Variants in RFX3 observed in about 807,000 individuals in gnomAD.
The protein encoded by RFX3 is regulatory factor X3, also known as transcription factor RFX3.
RFX3 carries 14 observed loss-of-function variants against 98.6 expected under a neutral mutation model. The ratio of observed to expected loss-of-function variants is 0.14; its 90% CI spans 0.09 to 0.22. The LOEUF (loss-of-function observed/expected upper bound fraction) is 0.22, where lower values mean the gene tolerates loss of function less well. Ranked by LOEUF, RFX3 falls within the 10% of genes least tolerant of loss-of-function variation. The pLI is 1.00. For synonymous variants in RFX3, 383 were observed against 328.4 expected, an observed-to-expected ratio of 1.17 and a Z score of -1.80; for missense variants, 639 against 926.9, an observed-to-expected ratio of 0.69 and a Z score of 4.03.
intron 3 of RFX3, among the ~76,000 whole-genome samples, chr9:3,333,287 G>A (rs1294690990): frequency 1.3e-5 from 2 of 151,958 alleles, no homozygotes; most frequent in East Asian, 3.9e-4. Flanking sequence ...AATTATACTT[G>A]TAATTTACAA....
Position 3,369,828 on chromosome 9 carries a change from T to TTTTG in RFX3, c.118-23068_118-23065dup, listed in dbSNP as rs892214282. Among the ~76,000 whole-genome samples, 13 of 152,074 alleles carry TTTTG rather than the reference T, an allele frequency of 8.5e-5. No homozygotes were observed. In the South Asian group the frequency reaches 1.0e-3, roughly 12 times the overall value. The stretch of plus-strand genomic sequence containing the variant: ...CAGAGCAGTTGTTTTTTTGTTTTTG[T>TTTTG]TTTGTTTGTTTGTTTGTTTGACACG... On this transcript the variant is annotated intron_variant, in intron 2 of 16. Coordinates refer to ENST00000617270, the MANE Select transcript of RFX3 (RefSeq NM_001282116.2).
intron 1 of RFX3, among the ~76,000 whole-genome samples, chr9:3,461,885 T>A (rs1042733945): frequency 6.6e-6 from 1 of 152,042 alleles, no homozygotes; most frequent in South Asian, 2.1e-4. Flanking sequence ...TGTTTTTACA[T>A]ACAAATAATC....
chr9:3,275,677 G>T, intron 8 of RFX3, 65 bp from the exon 9 acceptor site: 2 of 948,138 alleles, frequency 2.1e-6, no homozygotes, highest in Non-Finnish European at 3.2e-6. Flanking sequence ...GATTAATGAG[G>T]GAAAATTTAA....
chr9:3,324,850 G>T (rs1831730875), intron 4 of RFX3, among the ~76,000 whole-genome samples: 1 of 152,016 alleles, frequency 6.6e-6, no homozygotes, highest in African/African-American at 2.4e-5. Flanking sequence ...TGTAATCCCA[G>T]CTACAAGGAA....
At chr9:3,462,947 C>T (rs1430811867) in intron 1 of RFX3, among the ~76,000 whole-genome samples, 5 of 152,002 alleles carry the variant, frequency 3.3e-5, no homozygotes, top group African/African-American at 7.2e-5. Context: ...ATATCATGTT[C>T]GTGGATCATA....
chr9:3,464,719 C>T (rs982970678), intron 1 of RFX3, among the ~76,000 whole-genome samples: 3 of 152,120 alleles, frequency 2.0e-5, no homozygotes, highest in Non-Finnish European at 4.4e-5. Flanking sequence ...TCTGCCAAAA[C>T]TCATCAAATT....
rs1449249482 is a variant in RFX3, at chr9:3,247,250, C to G, written c.1968+782G>C. 4.8e-6 allele frequency: 4 copies of G among 838,736 alleles called. No individual in the cohort carries two copies. The African/African-American group carries it at 1.5e-4, about 32-fold the overall frequency. The allele number at this position is 838,736 out of a possible 1,614,324, so 52.0% of individuals were successfully genotyped here. On this transcript the variant is annotated intron_variant, in intron 15 of 16. Coordinates refer to ENST00000617270, the MANE Select transcript of RFX3 (RefSeq NM_001282116.2). ...ATCTATTCCTCATTATATTAACCAG[C>G]CCTTGTTATATTCAGAGTTTAAGCT... is the stretch of plus-strand genomic sequence containing the variant.
At chr9:3,507,583 C>G (rs1564189813) in intron 1 of RFX3, among the ~76,000 whole-genome samples, 1 of 151,868 alleles carries the variant, frequency 6.6e-6, no homozygotes, top group African/African-American at 2.4e-5. Context: ...ATACATAATA[C>G]AGTTGTCCCT....
rs116717805 is a variant in RFX3, at chr9:3,483,890, C to G, written c.-9+41857G>C. 8.2e-3 allele frequency among the ~76,000 whole-genome samples: 1,247 copies of G among 152,240 alleles called. 11 individuals carry two copies. Among genetic ancestry groups the G allele is most frequent in the African/African-American group, 0.029 (1,200 of 41,530 alleles). ...CCTCATGTCTTCTAGTATAAACCTTCTCATCTACAAAAATGGAGTAACGAA... is the reference window on the plus strand; with the variant it reads ...CCTCATGTCTTCTAGTATAAACCTTGTCATCTACAAAAATGGAGTAACGAA... On this transcript the variant is annotated intron_variant, in intron 1 of 16. Coordinates refer to ENST00000617270, the MANE Select transcript of RFX3 (RefSeq NM_001282116.2).
chr9:3,364,046 T>C (rs1384633278), intron 2 of RFX3, among the ~76,000 whole-genome samples: 1 of 152,170 alleles, frequency 6.6e-6, no homozygotes, highest in African/African-American at 2.4e-5. Flanking sequence ...CAATTAATTT[T>C]TGTACTTTTA....
chr9:3,342,309 G>T (rs1251217705), intron 3 of RFX3, among the ~76,000 whole-genome samples: 1 of 152,098 alleles, frequency 6.6e-6, no homozygotes, highest in Non-Finnish European at 1.5e-5. Flanking sequence ...AAGAGAAACT[G>T]AATCACACAG....
At chr9:3,480,058 C>T (rs968288117) in intron 1 of RFX3, among the ~76,000 whole-genome samples, 3 of 152,172 alleles carry the variant, frequency 2.0e-5, no homozygotes, top group Non-Finnish European at 4.4e-5. Context: ...AGAATATTGT[C>T]GCATGTTTCT....
intron 2 of RFX3, among the ~76,000 whole-genome samples, chr9:3,355,486 T>C (rs1471707037): frequency 6.6e-6 from 1 of 151,566 alleles, no homozygotes; most frequent in African/African-American, 2.4e-5. Context: ...TTAAGAAAAA[T>C]ATCAAGAAAT....
At position 3,347,969 on chromosome 9, in the gene RFX3, ACT is replaced by A. The variant is rs546196279; in HGVS notation, c.118-1207_118-1206del. Among the ~76,000 whole-genome samples, 5 of 152,256 alleles carry A rather than the reference ACT, an allele frequency of 3.3e-5. No individual in the cohort carries two copies. The South Asian group carries it at 1.0e-3, about 32-fold the overall frequency. ...TAACTATTCCTTAACATCATCTAAAACTCAGTCATTGTTAAAATTTCCCTGAT... is the reference window on the plus strand; with the variant it reads ...TAACTATTCCTTAACATCATCTAAAACAGTCATTGTTAAAATTTCCCTGAT... On this transcript the variant is annotated intron_variant, in intron 2 of 16. Transcript: ENST00000617270.
intron 1 of RFX3, chr9:3,489,391 C>T: frequency 1.0e-6 from 1 of 983,024 alleles, no homozygotes; most frequent in Non-Finnish European, 1.2e-6. Context: ...CAGTGGAAGG[C>T]CTGTCTTTAA....
chr9:3,278,578 T>A (rs1461410368), intron 7 of RFX3, among the ~76,000 whole-genome samples: 1 of 151,764 alleles, frequency 6.6e-6, no homozygotes, highest in African/African-American at 2.4e-5. Context: ...GACCCTAATA[T>A]GTGAACAGGA....
intron 4 of RFX3, among the ~76,000 whole-genome samples, chr9:3,329,752 G>T (rs894933118): frequency 6.6e-6 from 1 of 152,086 alleles, no homozygotes; most frequent in Non-Finnish European, 1.5e-5. Flanking sequence ...AATAATACAG[G>T]TGGCATGAGA....
intron 3 of RFX3, among the ~76,000 whole-genome samples, chr9:3,336,272 T>C (rs1341296643): frequency 6.6e-6 from 1 of 152,114 alleles, no homozygotes; most frequent in African/African-American, 2.4e-5. Flanking sequence ...GCATCTATTC[T>C]AGCACCTAGA....
intron 2 of RFX3, among the ~76,000 whole-genome samples, chr9:3,379,201 T>G (rs879490246): frequency 1.6e-4 from 25 of 152,124 alleles, no homozygotes; most frequent in African/African-American, 5.1e-4. Flanking sequence ...ACTAATTACC[T>G]GAATCAATTA....
Sources: allele counts gnomAD v4.1 joint callset (sites outside exome capture counted in the v4.1 genomes callset), GRCh38; gene constraint gnomAD v4.1.1; transcripts MANE v1.5; gene names NCBI Gene and HGNC (gene_info 2026-07-23, HGNC 2026-07-21).